SPPL3: variants seen among roughly 807,000 people sequenced by gnomAD.
SPPL3 encodes the protein signal peptide peptidase like 3.
SPPL3 carries 5 observed loss-of-function variants against 42.4 expected under a neutral mutation model. That is an observed-to-expected ratio of 0.12 (90% CI 0.06 to 0.25). The LOEUF (loss-of-function observed/expected upper bound fraction) is 0.25, where lower values mean the gene tolerates loss of function less well. Among genes scored for constraint, SPPL3 ranks in the 10% least tolerant of loss-of-function variants. SPPL3 has a pLI of 1.00. For missense variants in SPPL3, 235 were observed against 489.0 expected, an observed-to-expected ratio of 0.48 and a Z score of 4.90; for synonymous variants, 195 against 181.8, an observed-to-expected ratio of 1.07 and a Z score of -0.58.
At chr12:120,781,603 T>C (rs1368410594) in intron 6 of SPPL3, among the ~76,000 whole-genome samples, 1 of 126,196 alleles carries the variant, frequency 7.9e-6, no homozygotes, top group Admixed American at 9.3e-5. Flanking sequence ...AGACGGAGTC[T>C]TGCTCTGTTG....
chr12:120,766,220 A>T (rs1868900164), intron 10 of SPPL3, 43 bp downstream of exon 10: 1 of 1,504,390 alleles, frequency 6.6e-7, no homozygotes, highest in African/African-American at 1.4e-5. Context: ...GCACAGGCCA[A>T]TCCAAGTTAT....
chr12:120,859,626 T>TA (rs1031881171), intron 1 of SPPL3, among the ~76,000 whole-genome samples: 57 of 152,288 alleles, frequency 3.7e-4, no homozygotes, highest in African/African-American at 1.3e-3. Flanking sequence ...GAAGCTACAC[T>TA]ACACCTAAAC....
At chr12:120,771,460 C>G (rs1869119393) in intron 6 of SPPL3, among the ~76,000 whole-genome samples, 1 of 152,270 alleles carries the variant, frequency 6.6e-6, no homozygotes, top group Non-Finnish European at 1.5e-5. Flanking sequence ...ACTAGCTTCT[C>G]AATGACAGGT....
chr12:120,874,276 A>C (rs1362391235), intron 1 of SPPL3, among the ~76,000 whole-genome samples: 1 of 152,016 alleles, frequency 6.6e-6, no homozygotes, highest in Non-Finnish European at 1.5e-5. Flanking sequence ...AACATGGTGA[A>C]ACCCCATCTC....
At position 120,870,010 on chromosome 12, in the gene SPPL3, T is replaced by C. The variant is rs958815846; in HGVS notation, c.23+33835A>G. The stretch of plus-strand genomic sequence containing the variant: ...TGACATAAAGCCATTGAATCTTTCA[T>C]ACTGTTTTCAACAAATGTAACCAAA... On this transcript the variant is annotated intron_variant, in intron 1 of 10. Coordinates refer to ENST00000353487, the MANE Select transcript of SPPL3 (RefSeq NM_139015.5). Among the ~76,000 whole-genome samples the C allele has an allele frequency of 8.3e-4, 127 of 152,364 alleles. 3 individuals are homozygous for C. The highest frequency in any genetic ancestry group is 1.2e-4 in the Non-Finnish European group (8 of 68,038).
intron 1 of SPPL3, among the ~76,000 whole-genome samples, chr12:120,871,035 C>CA (rs1052936047): frequency 1.4e-5 from 2 of 145,620 alleles, no homozygotes; most frequent in African/African-American, 5.0e-5. Context: ...GAGGCTGAGA[C>CA]AGGAGAATCG....
chr12:120,800,476 C>T (rs931794818), intron 2 of SPPL3, among the ~76,000 whole-genome samples: 1 of 151,988 alleles, frequency 6.6e-6, no homozygotes, highest in Non-Finnish European at 1.5e-5. Flanking sequence ...TCACTCCACC[C>T]TGGGCAAAAG....
intron 1 of SPPL3, among the ~76,000 whole-genome samples, chr12:120,887,084 G>T (rs947479244): frequency 2.0e-5 from 3 of 151,254 alleles, no homozygotes; most frequent in African/African-American, 7.3e-5. Flanking sequence ...AGCAATTCTT[G>T]TGCCTCAGCC....
chr12:120,789,032 T>C (rs1413924875), intron 3 of SPPL3, among the ~76,000 whole-genome samples: 3 of 152,372 alleles, frequency 2.0e-5, no homozygotes, highest in African/African-American at 7.2e-5. Context: ...ATTATGTTCT[T>C]CTTTGAGGAA....
intron 1 of SPPL3, among the ~76,000 whole-genome samples, chr12:120,832,011 T>C (rs1464827307): frequency 3.3e-5 from 5 of 152,226 alleles, no homozygotes. Flanking sequence ...AAAAACCAGC[T>C]ACAGCTCTTG....
chr12:120,887,834 G>C (rs1873510663), intron 1 of SPPL3, among the ~76,000 whole-genome samples: 1 of 152,228 alleles, frequency 6.6e-6, no homozygotes, highest in South Asian at 2.1e-4. Flanking sequence ...CACTCACTAG[G>C]ATAGCTATAA....
At chr12:120,802,409 G>A (rs1267475815) in intron 2 of SPPL3, among the ~76,000 whole-genome samples, 31 of 111,664 alleles carry the variant, frequency 2.8e-4, no homozygotes, top group Middle Eastern at 4.1e-3. Context: ...GTGTGTGTGT[G>A]TGTGTGTATA....
chr12:120,829,196 GAAGAA>G (rs1294060162), intron 1 of SPPL3, among the ~76,000 whole-genome samples: 5 of 152,298 alleles, frequency 3.3e-5, no homozygotes, highest in African/African-American at 1.2e-4. Flanking sequence ...AAAGCTTCTA[GAAGAA>G]AACAGAAAAA....
At chr12:120,773,479 G>A (rs567256933) in intron 6 of SPPL3, among the ~76,000 whole-genome samples, 7 of 152,280 alleles carry the variant, frequency 4.6e-5, no homozygotes, top group East Asian at 3.9e-4. Flanking sequence ...AGGAGTCTGC[G>A]GGGAGTGAGG....
At chr12:120,859,354 C>CTG (rs1872558565) in intron 1 of SPPL3, among the ~76,000 whole-genome samples, 1 of 152,154 alleles carries the variant, frequency 6.6e-6, no homozygotes, top group Admixed American at 6.6e-5. Flanking sequence ...TCAACCTGTA[C>CTG]TGTGCTATGA....
At chr12:120,811,813 T>A (rs1187570349) in intron 1 of SPPL3, among the ~76,000 whole-genome samples, 3 of 152,120 alleles carry the variant, frequency 2.0e-5, no homozygotes, top group Admixed American at 6.5e-5. Flanking sequence ...CTAAATGTCT[T>A]TTCTAAAGAA....
chr12:120,852,803 C>CATATT lies in SPPL3; in HGVS notation c.24-41918_24-41917insAATAT, dbSNP rs1251760454. ...AAATATATTTCATATATCATATATA[C>CATATT]ATATATGAAATATATATTTCATATA... On this transcript the variant is annotated intron_variant, in intron 1 of 10. Coordinates refer to ENST00000353487, the MANE Select transcript of SPPL3 (RefSeq NM_139015.5). Among the ~76,000 whole-genome samples the CATATT allele has an allele frequency of 2.0e-3, 103 of 52,780 alleles. 7 individuals are homozygous for CATATT. Among genetic ancestry groups the CATATT allele is most frequent in the Middle Eastern group, 0.016 (1 of 62 alleles). The allele number at this position is 52,780 out of a possible 152,430, so 34.6% of individuals were successfully genotyped here.
chr12:120,890,723 T>C (rs1873614597), intron 1 of SPPL3, among the ~76,000 whole-genome samples: 1 of 151,966 alleles, frequency 6.6e-6, no homozygotes, highest in Admixed American at 6.6e-5. Context: ...GGAAGGGTCA[T>C]CTTGGAACAA....
chr12:120,876,309 T>C (rs1483023234), intron 1 of SPPL3, among the ~76,000 whole-genome samples: 1 of 151,790 alleles, frequency 6.6e-6, no homozygotes, highest in Non-Finnish European at 1.5e-5. Context: ...TAAGGGAAAT[T>C]AGAAAATATT....
Sources: allele counts gnomAD v4.1 joint callset (sites outside exome capture counted in the v4.1 genomes callset), GRCh38; gene constraint gnomAD v4.1.1; transcripts MANE v1.5; gene names NCBI Gene and HGNC (gene_info 2026-07-23, HGNC 2026-07-21).